The following CLASP2 variants were observed in gnomAD, a reference collection of about 807,000 sequenced individuals.
CLASP2 encodes cytoplasmic linker associated protein 2.
Under a neutral mutation model 194.4 loss-of-function variants are expected in CLASP2, and 47 were observed. The ratio of observed to expected loss-of-function variants is 0.24; its 90% CI spans 0.19 to 0.31. The LOEUF is 0.31. Among genes scored for constraint, CLASP2 ranks in the 10% least tolerant of loss-of-function variants. CLASP2 has a pLI of 1.00. For missense variants in CLASP2, 1,445 were observed against 1,823.6 expected, an observed-to-expected ratio of 0.79 and a Z score of 3.78; for synonymous variants, 619 against 633.5, an observed-to-expected ratio of 0.98 and a Z score of 0.34.
chr3:33,646,640 T>C (rs2082328138), intron 7 of CLASP2, among the ~76,000 whole-genome samples: 1 of 152,070 alleles, frequency 6.6e-6, no homozygotes, highest in African/African-American at 2.4e-5. Flanking sequence ...CACACAAGAA[T>C]TGAAAAGAGT....
chr3:33,530,961 A>C (rs2056147826), intron 34 of CLASP2, among the ~76,000 whole-genome samples: 1 of 152,246 alleles, frequency 6.6e-6, no homozygotes, highest in Non-Finnish European at 1.5e-5. Context: ...GACACTTTTT[A>C]CAGAAATAGA....
intron 1 of CLASP2, among the ~76,000 whole-genome samples, chr3:33,716,532 GCTGT>G (rs1295536186): frequency 2.0e-5 from 3 of 152,128 alleles, no homozygotes; most frequent in Non-Finnish European, 4.4e-5. Context: ...TTACCAAAGC[GCTGT>G]CTTTCTACAA....
chr3:33,658,893 T>C (rs1022633660), intron 7 of CLASP2: 3 of 1,273,466 alleles, frequency 2.4e-6, no homozygotes, highest in Admixed American at 2.0e-5. Context: ...GGGAGAAATA[T>C]ATTTCTTACA....
At chr3:33,574,663 T>G (rs771912365) in intron 24 of CLASP2, among the ~76,000 whole-genome samples, 2 of 152,176 alleles carry the variant, frequency 1.3e-5, no homozygotes, top group Non-Finnish European at 2.9e-5. Flanking sequence ...TTTAATCTTG[T>G]CAATATTCTT....
chr3:33,626,994 G>T lies in CLASP2; in HGVS notation c.1029C>A (p.Ala343=). The change falls in exon 10 of 39, where the codon GCC becomes GCA. Residue 343 remains alanine (A), a synonymous_variant. Coordinates refer to ENST00000682230, the MANE Select transcript of CLASP2 (RefSeq NM_001365631.1). ...ATTAAAGACAAAAACTTACTGCATT[G>T]GCACGCTGATCCCAGTCATGTTTAT... ...SDDKHDWDQR[A]NALKKIRSLL... 1 of 1,578,976 alleles carries T rather than the reference G, an allele frequency of 6.3e-7. No individual in the cohort carries two copies. Among genetic ancestry groups the T allele is most frequent in the East Asian group, 2.3e-5 (1 of 44,326 alleles).
chr3:33,649,764 T>C (rs1191981900), intron 7 of CLASP2, among the ~76,000 whole-genome samples: 2 of 152,152 alleles, frequency 1.3e-5, no homozygotes, highest in Non-Finnish European at 2.9e-5. Flanking sequence ...AAGATCTTAT[T>C]TTCCTATAGT....
chr3:33,647,846 AAC>A (rs1459209255), intron 7 of CLASP2, among the ~76,000 whole-genome samples: 2 of 152,132 alleles, frequency 1.3e-5, no homozygotes, highest in African/African-American at 4.8e-5. Flanking sequence ...CATCCTGGCT[AAC>A]ACGGTGAAAC....
In CLASP2 at chr3:33,570,380, C is replaced by A. The variant is rs186911769; in HGVS notation, c.2763+347G>T. On this transcript the variant is annotated intron_variant, in intron 26 of 38. Transcript: ENST00000682230. The stretch of plus-strand genomic sequence containing the variant: ...CATCAATGCTGTAATTAATCACAGA[C>A]GAAAACAAAATAAAATGTTAAAAAC... Among the ~76,000 whole-genome samples the A allele has an allele frequency of 3.6e-4, 54 of 152,068 alleles. 1 individual carries two copies. The East Asian group carries it at 9.1e-3, about 26-fold the overall frequency.
At chr3:33,693,338 T>G (rs1410951030) in intron 2 of CLASP2, among the ~76,000 whole-genome samples, 1 of 152,084 alleles carries the variant, frequency 6.6e-6, no homozygotes, top group Non-Finnish European at 1.5e-5. Context: ...ATAACCCGAG[T>G]GCACCAAAAC....
chr3:33,555,484 G>C (rs2060765294), intron 29 of CLASP2, among the ~76,000 whole-genome samples: 1 of 151,560 alleles, frequency 6.6e-6, no homozygotes, highest in East Asian at 1.9e-4. Context: ...TCCCACCTCA[G>C]CTTCCCGAGT....
intron 22 of CLASP2, among the ~76,000 whole-genome samples, chr3:33,582,197 T>C (rs571363432): frequency 2.6e-5 from 4 of 152,284 alleles, no homozygotes; most frequent in Non-Finnish European, 5.9e-5. Flanking sequence ...TACTGTACAA[T>C]ACAGTAAAAC....
intron 12 of CLASP2, among the ~76,000 whole-genome samples, chr3:33,618,784 A>G (rs1198048852): frequency 6.6e-6 from 1 of 152,356 alleles, no homozygotes; most frequent in Non-Finnish European, 1.5e-5. Context: ...TTAAATTGCT[A>G]AAGTGATTAC....
chr3:33,583,984 G>A (rs778812458), intron 22 of CLASP2, among the ~76,000 whole-genome samples: 4 of 152,066 alleles, frequency 2.6e-5, no homozygotes, highest in Non-Finnish European at 5.9e-5. Flanking sequence ...CCTGAAGGCC[G>A]TACAATCTTC....
At position 33,513,525 on chromosome 3, in the gene CLASP2, G is replaced by A. The variant is rs377187057; in HGVS notation, c.4110+2498C>T. Among the ~76,000 whole-genome samples the A allele has an allele frequency of 4.6e-5, 7 of 152,138 alleles. No individual in the cohort carries two copies. In the East Asian group the frequency reaches 1.4e-3, roughly 29 times the overall value. On this transcript the variant is annotated intron_variant, in intron 36 of 38. Transcript: ENST00000682230. ...CCAGCCTGGGTGACAGCGAGACTCGGTCTCAAAACAAAAAAACCCCAAAAC... is the reference window on the plus strand; with the variant it reads ...CCAGCCTGGGTGACAGCGAGACTCGATCTCAAAACAAAAAAACCCCAAAAC...
chr3:33,712,701 G>A (rs1575794150), intron 1 of CLASP2, among the ~76,000 whole-genome samples: 1 of 152,050 alleles, frequency 6.6e-6, no homozygotes, highest in Non-Finnish European at 1.5e-5. Context: ...GGTGGTTCAC[G>A]CCTGTAATCC....
intron 22 of CLASP2, among the ~76,000 whole-genome samples, chr3:33,584,509 A>AC (rs946859354): frequency 1.3e-5 from 2 of 148,474 alleles, no homozygotes; most frequent in South Asian, 2.1e-4. Context: ...CAAGTGATCC[A>AC]CCCCCCTCAG....
chr3:33,538,928 T>C lies in CLASP2; in HGVS notation c.3419A>G (p.Asp1140Gly). Residue 1140 changes from aspartate to glycine, a missense_variant, in exon 33 of 39, where the codon GAC becomes GGC. Asp to Gly is a moderately conservative substitution (Grantham distance 94). Coordinates refer to ENST00000682230, the MANE Select transcript of CLASP2 (RefSeq NM_001365631.1). ...NTLSPSAFDY[D>G]TENMNSEDIY... Reference sequence around the variant, plus strand: ...ATCTTCAGAGTTCATATTTTCTGTGTCATAATCAAATGCACTATGAAAAAG... The same window carrying C: ...ATCTTCAGAGTTCATATTTTCTGTGCCATAATCAAATGCACTATGAAAAAG... 1.3e-6 allele frequency: 2 copies of C among 1,574,366 alleles called. No homozygotes were observed. Among genetic ancestry groups the C allele is most frequent in the Non-Finnish European group, 1.7e-6 (2 of 1,164,204 alleles).
chr3:33,685,388 A>G (rs1486410608), intron 5 of CLASP2, among the ~76,000 whole-genome samples: 1 of 150,506 alleles, frequency 6.6e-6, no homozygotes, highest in Non-Finnish European at 1.5e-5. Flanking sequence ...TAGTAAGATT[A>G]TGTAAACAAC....
At chr3:33,593,402 C>T (rs1224899018) in intron 20 of CLASP2, among the ~76,000 whole-genome samples, 3 of 152,042 alleles carry the variant, frequency 2.0e-5, no homozygotes, top group South Asian at 2.1e-4. Context: ...ATAAAAGATA[C>T]AATTTGTAGG....
Sources: allele counts gnomAD v4.1 joint callset (sites outside exome capture counted in the v4.1 genomes callset), GRCh38; gene constraint gnomAD v4.1.1; transcripts MANE v1.5; gene names NCBI Gene and HGNC (gene_info 2026-07-23, HGNC 2026-07-21).